Variants in BRI3BP observed in about 807,000 individuals in gnomAD.
BRI3BP encodes BRI3-binding protein.
In BRI3BP, 7 loss-of-function variants were observed where a neutral mutation model predicts 15.8. The ratio of observed to expected loss-of-function variants is 0.44; its 90% CI spans 0.25 to 0.83. BRI3BP has a LOEUF of 0.83. Ranked by LOEUF, BRI3BP falls within the 40% of genes least tolerant of loss-of-function variation. The probability of loss-of-function intolerance (pLI) is 0.20; values close to 1 mark genes in which losing one functional copy is unlikely to be tolerated. For missense variants in BRI3BP, 320 were observed against 339.3 expected (o/e 0.94, Z 0.45); for synonymous variants, 192 against 163.5 (o/e 1.17, Z -1.33).
chr12:125,025,606 G>A lies in BRI3BP; in HGVS notation c.*176G>A. On this transcript the variant is annotated 3_prime_UTR_variant, in exon 3 of 3. Coordinates refer to ENST00000341446, the MANE Select transcript of BRI3BP (RefSeq NM_080626.6). ...GCTCTTAGGACACATTCCCAGAAGA[G>A]CGGAAAGATCATTGACGTGGAACTA... 4 of 637,418 alleles carry A rather than the reference G, an allele frequency of 6.3e-6. No homozygotes were observed. The highest frequency in any genetic ancestry group is 1.0e-5 in the Non-Finnish European group (4 of 385,296). 39.5% of individuals were successfully genotyped at this position (637,418 alleles called of 1,614,324 possible). A position where few individuals can be genotyped will look rare whatever the true frequency, so the allele number is the denominator to read the frequency against.
intron 1 of BRI3BP, among the ~76,000 whole-genome samples, chr12:125,001,999 G>C (rs941381525): frequency 6.6e-6 from 1 of 152,142 alleles, no homozygotes; most frequent in Non-Finnish European, 1.5e-5. Context: ...TGTACAGTCT[G>C]GCCTTTTGTG....
chr12:125,025,251 G>T lies in BRI3BP; in HGVS notation c.577G>T (p.Ala193Ser). Reference protein sequence around the residue: ...NAVLPLCFVVAVYFMTGPMGF... With the variant: ...NAVLPLCFVVSVYFMTGPMGF... ...GGTGCTGCCGCTGTGCTTCGTGGTGGCCGTCTACTTCATGACCGGGCCCAT... is the reference window on the plus strand; with the variant it reads ...GGTGCTGCCGCTGTGCTTCGTGGTGTCCGTCTACTTCATGACCGGGCCCAT... Residue 193 changes from alanine to serine, a missense_variant, in exon 3 of 3, where the codon GCC (alanine) becomes TCC (serine). Physicochemically the swap from Ala to Ser is moderately conservative, Grantham distance 99. Transcript: ENST00000341446. 1.9e-6 allele frequency: 3 copies of T among 1,614,118 alleles called. No homozygotes were observed. The highest frequency in any genetic ancestry group is 2.5e-6 in the Non-Finnish European group (3 of 1,180,036).
At chr12:125,041,934 T>A in the BRI3BP span, among the ~76,000 whole-genome samples, 4 of 152,194 alleles carry the variant, frequency 2.6e-5, no homozygotes, top group African/African-American at 9.7e-5. Context: ...GCTAAAGCGA[T>A]CCTCCTGCCT....
At chr12:125,012,066 A>T (rs533313218) in intron 1 of BRI3BP, among the ~76,000 whole-genome samples, 2 of 152,272 alleles carry the variant, frequency 1.3e-5, no homozygotes, top group East Asian at 3.9e-4. Context: ...CTGCACCTGT[A>T]GCCCTAGCTA....
In BRI3BP at chr12:125,025,313, C is replaced by T; in HGVS notation, c.639C>T (p.Ser213=). ...FYWRSSPSGP[S]NPSNPSVEEK... ...GGCGAAGCAGTCCCAGCGGCCCCAG[C>T]AACCCCAGCAACCCCAGCGTGGAGG... The change falls in exon 3 of 3, where the codon AGC becomes AGT. Residue 213 remains serine, a synonymous_variant. Transcript: ENST00000341446. The T allele has an allele frequency of 6.2e-7, 1 of 1,612,152 alleles. No homozygotes were observed. The highest frequency in any genetic ancestry group is 8.5e-7 in the Non-Finnish European group (1 of 1,179,456).
At chr12:125,014,388 C>G (rs982231422) in intron 2 of BRI3BP, among the ~76,000 whole-genome samples, 1 of 152,162 alleles carries the variant, frequency 6.6e-6, no homozygotes, top group Non-Finnish European at 1.5e-5. Context: ...CACCGGTTCC[C>G]TAGGAGCACT....
chr12:125,009,283 C>CTTTTTTTTTTTTTT (rs1217778458), intron 1 of BRI3BP, among the ~76,000 whole-genome samples: 1 of 66,568 alleles, frequency 1.5e-5, no homozygotes, highest in Non-Finnish European at 2.8e-5. Flanking sequence ...ACCCAGCCAT[C>CTTTTTTTTTTTTTT]TTTTTTTTTT....
chr12:125,022,432 C>T (rs760975066), intron 2 of BRI3BP, among the ~76,000 whole-genome samples: 21 of 152,036 alleles, frequency 1.4e-4, no homozygotes, highest in Non-Finnish European at 2.6e-4. Flanking sequence ...CGTGAACTGT[C>T]GCTGGGTCCT....
the BRI3BP span, among the ~76,000 whole-genome samples, chr12:125,039,735 C>T: frequency 6.6e-6 from 1 of 151,842 alleles, no homozygotes; most frequent in Non-Finnish European, 1.5e-5. Context: ...TTCACTCATT[C>T]ATTTGCAAAG....
rs35697952 is a variant in BRI3BP, at chr12:125,011,093, TA to T, written c.214-1418del. Among the ~76,000 whole-genome samples, 635 of 93,450 alleles carry T rather than the reference TA, an allele frequency of 6.8e-3. 4 individuals carry two copies. The highest frequency in any genetic ancestry group is 0.04 in the East Asian group (117 of 2,958). The allele number at this position is 93,450 out of a possible 152,430, so 61.3% of individuals were successfully genotyped here. On this transcript the variant is annotated intron_variant, in intron 1 of 2. Transcript: ENST00000341446. ...GGAGTGACAGAGCGAGACCCTGTCT[TA>T]AAAAAAAAAAAAAAAAAAAAAAGCT...
the BRI3BP span, among the ~76,000 whole-genome samples, chr12:125,039,897 A>T: frequency 2.6e-5 from 4 of 152,330 alleles, no homozygotes; most frequent in South Asian, 8.3e-4. Flanking sequence ...AACAGAATGA[A>T]TGGAAAAGCT....
chr12:125,008,553 C>G (rs889910029), intron 1 of BRI3BP, among the ~76,000 whole-genome samples: 6 of 151,894 alleles, frequency 4.0e-5, no homozygotes, highest in Non-Finnish European at 7.4e-5. Context: ...ACCTTGTGAT[C>G]CGCCCGCCTC....
At chr12:125,016,358 T>TG (rs1555217475) in intron 2 of BRI3BP, among the ~76,000 whole-genome samples, 1 of 151,402 alleles carries the variant, frequency 6.6e-6, no homozygotes. Context: ...CTTCAGTGTT[T>TG]TTTTTTTTTT....
Position 125,024,989 on chromosome 12 carries a change from A to G in BRI3BP, c.317-2A>G. The G allele has an allele frequency of 6.2e-7, 1 of 1,609,674 alleles. No homozygotes were observed. The highest frequency in any genetic ancestry group is 2.2e-5 in the East Asian group (1 of 44,810). On this transcript the variant is annotated splice_acceptor_variant, in intron 2 of 2. Transcript: ENST00000341446. LOFTEE classifies it high-confidence loss of function. ...GCCCTGTTCCTCTTTTCTGTCCCGCAGTCTCCAACCTGTCCCAGTATTTCA... is the reference window on the plus strand; with the variant it reads ...GCCCTGTTCCTCTTTTCTGTCCCGCGGTCTCCAACCTGTCCCAGTATTTCA...
At chr12:125,038,391 A>C in the BRI3BP span, among the ~76,000 whole-genome samples, 1 of 152,222 alleles carries the variant, frequency 6.6e-6, no homozygotes, top group East Asian at 1.9e-4. Flanking sequence ...TTGACACTAT[A>C]TTAAACCTAT....
At chr12:125,011,725 T>A (rs67805994) in intron 1 of BRI3BP, among the ~76,000 whole-genome samples, 21,969 of 138,332 alleles carry the variant, frequency 0.16, 1,663 homozygotes, top group Admixed American at 0.18. Flanking sequence ...ACTAATTTTT[T>A]AAAAAAAAAA....
chr12:125,008,875 G>A (rs1955172045), intron 1 of BRI3BP, among the ~76,000 whole-genome samples: 1 of 152,140 alleles, frequency 6.6e-6, no homozygotes, highest in Non-Finnish European at 1.5e-5. Context: ...CCTTCTGGGG[G>A]TGACGCGGAC....
At chr12:125,003,956 A>AC (rs1955118800) in intron 1 of BRI3BP, among the ~76,000 whole-genome samples, 945 of 38,126 alleles carry the variant, frequency 0.025, 4 homozygotes, top group Admixed American at 0.046. Context: ...CCATCTCAAA[A>AC]ACACACACAC....
chr12:125,023,317 C>T (rs891542563), intron 2 of BRI3BP, among the ~76,000 whole-genome samples: 16 of 99,226 alleles, frequency 1.6e-4, no homozygotes, highest in Non-Finnish European at 3.2e-4. Flanking sequence ...AATGGCTGCT[C>T]CAGTTCCAGC....
Sources: allele counts gnomAD v4.1 joint callset (sites outside exome capture counted in the v4.1 genomes callset), GRCh38; gene constraint gnomAD v4.1.1; transcripts MANE v1.5; gene names NCBI Gene and HGNC (gene_info 2026-07-23, HGNC 2026-07-21).